ANKS1A: variants seen among roughly 807,000 people sequenced by gnomAD.
ANKS1A encodes ankyrin repeat and SAM domain-containing protein 1A.
In ANKS1A, 55 loss-of-function variants were observed where a neutral mutation model predicts 120.3. That is an observed-to-expected ratio of 0.46 (90% CI 0.37 to 0.57). The LOEUF is 0.57. Among genes scored for constraint, ANKS1A ranks in the 20% least tolerant of loss-of-function variants. ANKS1A has a pLI of 0.00. For missense variants in ANKS1A, 1,123 were observed against 1,480.3 expected (o/e 0.76, Z 3.96); for synonymous variants, 590 against 604.7 (o/e 0.98, Z 0.36).
At chr6:35,028,728 G>A (rs145603566) in intron 11 of ANKS1A, among the ~76,000 whole-genome samples, 1 of 152,238 alleles carries the variant, frequency 6.6e-6, no homozygotes, top group Non-Finnish European at 1.5e-5. Context: ...TCATGTAATA[G>A]TAATTTTTTG....
chr6:35,052,732 A>G (rs952439421), intron 11 of ANKS1A, among the ~76,000 whole-genome samples: 1 of 151,918 alleles, frequency 6.6e-6, no homozygotes, highest in Non-Finnish European at 1.5e-5. Flanking sequence ...TGAAACAGAC[A>G]TGGCCAGAGA....
intron 10 of ANKS1A, among the ~76,000 whole-genome samples, chr6:34,994,840 A>G (rs548882717): frequency 1.3e-5 from 2 of 152,126 alleles, no homozygotes; most frequent in South Asian, 2.1e-4. Context: ...AGAGTGAGAC[A>G]CTCCTGGGGA....
At chr6:34,962,800 A>G (rs1009361543) in intron 1 of ANKS1A, among the ~76,000 whole-genome samples, 10 of 151,844 alleles carry the variant, frequency 6.6e-5, no homozygotes, top group Non-Finnish European at 1.3e-4. Context: ...AAAACAAAAC[A>G]AAACAAAACA....
chr6:34,983,477 G>A, intron 7 of ANKS1A, 52 bp downstream of exon 7: 1 of 1,411,332 alleles, frequency 7.1e-7, no homozygotes, highest in Non-Finnish European at 9.7e-7. Flanking sequence ...GAAAAGAGTT[G>A]AAAATTCGTG....
At chr6:35,021,100 C>G (rs1219003872) in intron 11 of ANKS1A, among the ~76,000 whole-genome samples, 3 of 152,172 alleles carry the variant, frequency 2.0e-5, no homozygotes, top group Admixed American at 6.5e-5. Flanking sequence ...AAGTGTTTCC[C>G]CCAGTGATTG....
At chr6:34,929,736 C>T (rs1338605183) in intron 1 of ANKS1A, among the ~76,000 whole-genome samples, 1 of 151,850 alleles carries the variant, frequency 6.6e-6, no homozygotes, top group Non-Finnish European at 1.5e-5. Flanking sequence ...TTCTTTCCTT[C>T]TCTTTCTTTC....
intron 13 of ANKS1A, among the ~76,000 whole-genome samples, chr6:35,072,737 G>A (rs1777143396): frequency 6.6e-6 from 1 of 152,210 alleles, no homozygotes; most frequent in South Asian, 2.1e-4. Context: ...GGAGGGAGAG[G>A]GTCCTGGGAG....
intron 1 of ANKS1A, among the ~76,000 whole-genome samples, chr6:34,940,081 C>T (rs1317703162): frequency 1.3e-5 from 2 of 152,080 alleles, no homozygotes; most frequent in African/African-American, 2.4e-5. Flanking sequence ...TCTTTCAGGC[C>T]AAGAATAGTT....
At chr6:35,055,192 G>A (rs1052305490) in intron 12 of ANKS1A, among the ~76,000 whole-genome samples, 2 of 152,176 alleles carry the variant, frequency 1.3e-5, no homozygotes, top group African/African-American at 4.8e-5. Flanking sequence ...TCACAGCCCT[G>A]GGTTGAAATC....
intron 11 of ANKS1A, among the ~76,000 whole-genome samples, chr6:35,047,595 A>G (rs1224389399): frequency 6.6e-6 from 1 of 152,212 alleles, no homozygotes; most frequent in Non-Finnish European, 1.5e-5. Flanking sequence ...ACATTGAACT[A>G]GAACCCAAAT....
At chr6:34,890,149 T>TG (rs754060096) in intron 1 of ANKS1A, among the ~76,000 whole-genome samples, 2 of 151,818 alleles carry the variant, frequency 1.3e-5, no homozygotes, top group East Asian at 3.9e-4. Context: ...TGGAGTGCAG[T>TG]GGCGCGATCT....
At chr6:35,043,433 G>A (rs188478931) in intron 11 of ANKS1A, among the ~76,000 whole-genome samples, 4 of 152,362 alleles carry the variant, frequency 2.6e-5, no homozygotes, top group South Asian at 4.1e-4. Flanking sequence ...CCAGCCTGCA[G>A]GGGAGAGACT....
chr6:34,960,822 A>G (rs2127500729), intron 1 of ANKS1A, among the ~76,000 whole-genome samples: 1 of 152,326 alleles, frequency 6.6e-6, no homozygotes, highest in Admixed American at 6.5e-5. Context: ...AGAAGTTTCC[A>G]TGAATGATTT....
chr6:34,961,570 G>A (rs190791535), intron 1 of ANKS1A, among the ~76,000 whole-genome samples: 1 of 152,266 alleles, frequency 6.6e-6, no homozygotes, highest in East Asian at 1.9e-4. Flanking sequence ...GACATAGGAT[G>A]TCCAAACTTA....
chr6:34,955,845 T>A (rs1385438176), intron 1 of ANKS1A, among the ~76,000 whole-genome samples: 1 of 152,222 alleles, frequency 6.6e-6, no homozygotes, highest in Non-Finnish European at 1.5e-5. Context: ...GTCTTATGGC[T>A]TTCAGAGGTG....
intron 1 of ANKS1A, among the ~76,000 whole-genome samples, chr6:34,914,772 G>C (rs1190283079): frequency 1.3e-5 from 2 of 152,194 alleles, no homozygotes; most frequent in East Asian, 3.9e-4. Context: ...AGTGAGAAGA[G>C]CATTAACATT....
chr6:35,008,523 G>T (rs1773580330), intron 10 of ANKS1A, among the ~76,000 whole-genome samples: 2 of 152,148 alleles, frequency 1.3e-5, no homozygotes, highest in Admixed American at 1.3e-4. Flanking sequence ...TCACCTTCTT[G>T]CATTAGAGGA....
chr6:34,969,757 C>T (rs1371378047), intron 2 of ANKS1A, among the ~76,000 whole-genome samples: 1 of 152,112 alleles, frequency 6.6e-6, no homozygotes, highest in Non-Finnish European at 1.5e-5. Context: ...AGAAAACAGA[C>T]GGATTACCAA....
At chr6:34,998,371 G>T (rs1226144072) in intron 10 of ANKS1A, among the ~76,000 whole-genome samples, 1 of 151,962 alleles carries the variant, frequency 6.6e-6, no homozygotes, top group Non-Finnish European at 1.5e-5. Context: ...TGAGGGAAGA[G>T]AGAGACCCTC....
Sources: allele counts gnomAD v4.1 joint callset (sites outside exome capture counted in the v4.1 genomes callset), GRCh38; gene constraint gnomAD v4.1.1; transcripts MANE v1.5; gene names NCBI Gene and HGNC (gene_info 2026-07-23, HGNC 2026-07-21).